Variants in SUPT3H observed in about 807,000 individuals in gnomAD.
The protein encoded by SUPT3H is transcription initiation protein SPT3 homolog.
Under a neutral mutation model 44.3 loss-of-function variants are expected in SUPT3H, and 44 were observed. The ratio of observed to expected loss-of-function variants is 0.99; its 90% CI spans 0.78 to 1.28. The LOEUF (loss-of-function observed/expected upper bound fraction) is 1.28, where lower values mean the gene tolerates loss of function less well. Ranked by LOEUF, SUPT3H falls within the 50% of genes most tolerant of loss-of-function variation. The pLI is 0.00. For synonymous variants in SUPT3H, 124 were observed against 125.6 expected (o/e 0.99, Z 0.09); for missense variants, 380 against 387.1 (o/e 0.98, Z 0.15).
chr6:45,327,742 T>G (rs1786606555), intron 2 of SUPT3H, among the ~76,000 whole-genome samples: 1 of 151,768 alleles, frequency 6.6e-6, no homozygotes, highest in Non-Finnish European at 1.5e-5. Flanking sequence ...CTTTTTTTTT[T>G]TTTACAATGA....
intron 11 of SUPT3H, among the ~76,000 whole-genome samples, chr6:44,818,720 G>C (rs1767072426): frequency 6.6e-6 from 1 of 152,130 alleles, no homozygotes; most frequent in Admixed American, 6.6e-5. Flanking sequence ...TTGGTCATCA[G>C]GGAAATGCAG....
intron 3 of SUPT3H, among the ~76,000 whole-genome samples, chr6:45,080,059 GTTCA>G (rs1306627478): frequency 3.3e-5 from 5 of 152,082 alleles, no homozygotes; most frequent in Non-Finnish European, 5.9e-5. Context: ...TCTCACAAGG[GTTCA>G]ATAACCAGAA....
At chr6:45,058,076 G>A (rs1791415498) in intron 3 of SUPT3H, among the ~76,000 whole-genome samples, 1 of 152,108 alleles carries the variant, frequency 6.6e-6, no homozygotes, top group South Asian at 2.1e-4. Flanking sequence ...AAAATTATGG[G>A]GTGCTTATTT....
At chr6:45,024,136 T>C (rs976529165) in intron 3 of SUPT3H, among the ~76,000 whole-genome samples, 1 of 152,186 alleles carries the variant, frequency 6.6e-6, no homozygotes, top group Non-Finnish European at 1.5e-5. Context: ...AAACAAAATA[T>C]TAACTTGTAA....
chr6:45,112,575 G>A (rs1412726133), intron 2 of SUPT3H, among the ~76,000 whole-genome samples: 1 of 152,130 alleles, frequency 6.6e-6, no homozygotes, highest in Non-Finnish European at 1.5e-5. Flanking sequence ...TCTAACAGAG[G>A]GGAAGGACTG....
chr6:44,995,904 C>T (rs1393556100), intron 6 of SUPT3H, among the ~76,000 whole-genome samples: 1 of 151,936 alleles, frequency 6.6e-6, no homozygotes, highest in African/African-American at 2.4e-5. Context: ...CCTCCACTGT[C>T]AGCCACTATT....
In SUPT3H at chr6:45,340,488, TA is replaced by T. The variant is rs753639690; in HGVS notation, c.101+24712del. On this transcript the variant is annotated intron_variant, in intron 2 of 10. Transcript: ENST00000371459. ...ACAGGCACGCACCACCACGCCCAGA[TA>T]ATTTTGTAATTTTTTGTAGAGACAG... Among the ~76,000 whole-genome samples the T allele has an allele frequency of 6.4e-4, 98 of 152,082 alleles. 1 individual carries two copies. Among genetic ancestry groups the T allele is most frequent in the South Asian group, 5.4e-3 (26 of 4,820 alleles).
At chr6:44,970,729 G>A (rs1041909269) in intron 6 of SUPT3H, among the ~76,000 whole-genome samples, 2 of 152,162 alleles carry the variant, frequency 1.3e-5, no homozygotes, top group Admixed American at 1.3e-4. Flanking sequence ...TTACAGTACA[G>A]CAAGCATATA....
At position 45,190,237 on chromosome 6, in the gene SUPT3H, G is replaced by A. The variant is rs1213890922; in HGVS notation, c.102-84231C>T. 5.9e-5 allele frequency among the ~76,000 whole-genome samples: 9 copies of A among 152,002 alleles called. No homozygotes were observed. In the East Asian group the frequency reaches 1.5e-3, roughly 26 times the overall value. On this transcript the variant is annotated intron_variant, in intron 2 of 10. Coordinates refer to ENST00000371459, the MANE Select transcript of SUPT3H (RefSeq NM_003599.4). ...GGGACTAAGAAATAAAAATGTTATGGTTAAAAAAGAAATCTATACATATCT... is the reference window on the plus strand; with the variant it reads ...GGGACTAAGAAATAAAAATGTTATGATTAAAAAAGAAATCTATACATATCT...
intron 5 of SUPT3H, among the ~76,000 whole-genome samples, chr6:45,005,907 T>A (rs1013492393): frequency 1.3e-5 from 2 of 152,098 alleles, no homozygotes; most frequent in Non-Finnish European, 2.9e-5. Flanking sequence ...ATTGAAAAAA[T>A]TCATAGACCC....
chr6:45,135,897 G>A (rs957333184), intron 2 of SUPT3H, among the ~76,000 whole-genome samples: 2 of 152,186 alleles, frequency 1.3e-5, no homozygotes, highest in African/African-American at 2.4e-5. Context: ...ATTCTGGGAG[G>A]TGATTCATCC....
At chr6:44,999,259 T>C (rs1368001480) in intron 6 of SUPT3H, among the ~76,000 whole-genome samples, 2 of 152,010 alleles carry the variant, frequency 1.3e-5, no homozygotes, top group South Asian at 2.1e-4. Flanking sequence ...TCATGGATGG[T>C]TGAATAGTGT....
intron 5 of SUPT3H, among the ~76,000 whole-genome samples, chr6:45,004,943 G>A (rs1583006601): frequency 1.3e-5 from 2 of 152,190 alleles, no homozygotes; most frequent in South Asian, 2.1e-4. Flanking sequence ...CCTATTGATG[G>A]GCATAAACTT....
At chr6:44,995,303 C>A (rs567629308) in intron 6 of SUPT3H, among the ~76,000 whole-genome samples, 1 of 152,064 alleles carries the variant, frequency 6.6e-6, no homozygotes, top group East Asian at 1.9e-4. Flanking sequence ...AAATAAAATG[C>A]AAAATAAACT....
intron 10 of SUPT3H, among the ~76,000 whole-genome samples, chr6:44,900,021 T>C (rs989050975): frequency 6.6e-5 from 10 of 152,210 alleles, no homozygotes; most frequent in African/African-American, 2.4e-4. Context: ...GTTTCTCAAA[T>C]TAGAAAACTA....
At chr6:45,305,715 C>T (rs1007955081) in intron 2 of SUPT3H, among the ~76,000 whole-genome samples, 7 of 152,202 alleles carry the variant, frequency 4.6e-5, no homozygotes, top group Admixed American at 1.3e-4. Context: ...ACATCACCAA[C>T]GACAGAGTAG....
At chr6:45,067,666 A>C (rs1793608817) in intron 3 of SUPT3H, among the ~76,000 whole-genome samples, 1 of 151,196 alleles carries the variant, frequency 6.6e-6, no homozygotes, top group African/African-American at 2.4e-5. Flanking sequence ...ATGAACAGAC[A>C]CTTCTCAAAA....
chr6:45,063,471 CG>C (rs1267501513), intron 3 of SUPT3H, among the ~76,000 whole-genome samples: 1 of 146,286 alleles, frequency 6.8e-6, no homozygotes, highest in Admixed American at 6.9e-5. Context: ...ATGACTTTGA[CG>C]AGCTGAGAGA....
At chr6:45,096,660 C>T (rs1797828504) in intron 3 of SUPT3H, among the ~76,000 whole-genome samples, 1 of 152,066 alleles carries the variant, frequency 6.6e-6, no homozygotes, top group Non-Finnish European at 1.5e-5. Context: ...TAGTTTATTG[C>T]CAGTCTTATG....
Sources: gnomAD v4.1 joint callset for allele counts (sites outside exome capture counted in the v4.1 genomes callset) on GRCh38, gnomAD v4.1.1 for gene constraint, MANE v1.5 for transcripts, NCBI Gene and HGNC (gene_info 2026-07-23, HGNC 2026-07-21) for gene names.